KANK1: variants seen among roughly 807,000 people sequenced by gnomAD.
KANK1 encodes the protein KN motif and ankyrin repeat domain-containing protein 1.
In KANK1, 109 loss-of-function variants were observed where a neutral mutation model predicts 106.2. The observed-to-expected ratio is 1.03, with a 90% CI of 0.88 to 1.20. The LOEUF is 1.20. Among genes scored for constraint, KANK1 ranks in the 50% most tolerant of loss-of-function variants. The pLI, the probability that KANK1 is intolerant of heterozygous loss-of-function variation, is 0.00. For synonymous variants in KANK1, 873 were observed against 652.2 expected, an observed-to-expected ratio of 1.34 and a Z score of -5.16; for missense variants, 2,399 against 1,710.7, an observed-to-expected ratio of 1.40 and a Z score of -7.10.
intron 1 of KANK1, among the ~76,000 whole-genome samples, chr9:533,688 C>T (rs1587582286): frequency 6.6e-6 from 1 of 152,146 alleles, no homozygotes; most frequent in East Asian, 1.9e-4. Context: ...TTTGGAGGCC[C>T]AGTCTGTCAA....
rs962038764 is a variant in KANK1 at position 662,953 on chromosome 9, C to T, written c.-83-13937C>T. Among the ~76,000 whole-genome samples the T allele has an allele frequency of 3.3e-5, 5 of 152,200 alleles. No homozygotes were observed. In the East Asian group the frequency reaches 5.8e-4, roughly 18 times the overall value. ...CTAGGATTACAGGCGTGAGCCACCA[C>T]GCCAGGCCTAAACCCTTATTTAACT... On this transcript the variant is annotated intron_variant, in intron 1 of 11. Transcript: ENST00000382297.
chr9:516,592 AT>A (rs1315675533), intron 1 of KANK1, among the ~76,000 whole-genome samples: 1 of 151,544 alleles, frequency 6.6e-6, no homozygotes, highest in Non-Finnish European at 1.5e-5. Flanking sequence ...GGATCTGAAA[AT>A]TGTTCATAAT....
chr9:585,549 G>A (rs1032392671), intron 1 of KANK1, among the ~76,000 whole-genome samples: 3 of 152,120 alleles, frequency 2.0e-5, no homozygotes, highest in Non-Finnish European at 2.9e-5. Flanking sequence ...CAAAAAATAT[G>A]TAGTTTGTAA....
intron 1 of KANK1, among the ~76,000 whole-genome samples, chr9:518,840 A>G (rs1458899338): frequency 3.3e-5 from 5 of 151,646 alleles, no homozygotes; most frequent in Non-Finnish European, 7.4e-5. Context: ...TCTTGTAGGA[A>G]ACCACAACTC....
chr9:590,723 C>G (rs1193029455), intron 1 of KANK1, among the ~76,000 whole-genome samples: 1 of 151,366 alleles, frequency 6.6e-6, no homozygotes, highest in East Asian at 1.9e-4. Flanking sequence ...AAATTATAAA[C>G]CTCTCTGCTT....
At chr9:524,289 C>T (rs1563714559) in intron 1 of KANK1, among the ~76,000 whole-genome samples, 2 of 151,418 alleles carry the variant, frequency 1.3e-5, no homozygotes, top group South Asian at 2.1e-4. Context: ...TTAAGTCGTT[C>T]TGTAGTTTTT....
chr9:695,201 TG>T (rs1178310314), intron 2 of KANK1, among the ~76,000 whole-genome samples: 1 of 152,166 alleles, frequency 6.6e-6, no homozygotes, highest in Non-Finnish European at 1.5e-5. Context: ...GGAGGTGCTC[TG>T]GGTGGCTTAA....
intron 1 of KANK1, among the ~76,000 whole-genome samples, chr9:570,733 T>A (rs368654514): frequency 1.3e-5 from 2 of 152,230 alleles, no homozygotes; most frequent in African/African-American, 4.8e-5. Context: ...TTAGGAAATA[T>A]GCATGCTAAT....
chr9:521,401 C>T lies in KANK1; in HGVS notation c.-84+16647C>T, dbSNP rs928209365. Among the ~76,000 whole-genome samples the T allele has an allele frequency of 3.0e-4, 46 of 151,330 alleles. 2 individuals are homozygous for T. The highest frequency in any genetic ancestry group is 1.0e-3 in the African/African-American group (42 of 40,782). ...GTTGACTTTTAAAAAGTAGGTGCACCAAGCCTCAGCTGGTGTCAGACTGCT... is the reference window on the plus strand; with the variant it reads ...GTTGACTTTTAAAAAGTAGGTGCACTAAGCCTCAGCTGGTGTCAGACTGCT... On this transcript the variant is annotated intron_variant, in intron 1 of 11. Transcript: ENST00000382297.
intron 1 of KANK1, among the ~76,000 whole-genome samples, chr9:532,154 T>C (rs1025785401): frequency 6.6e-6 from 1 of 152,088 alleles, no homozygotes; most frequent in Admixed American, 6.6e-5. Flanking sequence ...GGGCCCCACT[T>C]AGGCATAACG....
upstream of KANK1, among the ~76,000 whole-genome samples, chr9:503,339 G>C (rs1325334277): frequency 1.3e-5 from 2 of 152,150 alleles, no homozygotes; most frequent in African/African-American, 4.8e-5. Flanking sequence ...GAAAGAGTTT[G>C]CTTACTGCCA....
At chr9:740,735 C>T (rs1024189479) in intron 8 of KANK1, 57 bp from the exon 9 acceptor site, 32 of 1,565,504 alleles carry the variant, frequency 2.0e-5, no homozygotes, top group South Asian at 8.1e-5. Flanking sequence ...GCTTCGTAAG[C>T]GGCTGCTATT....
At chr9:537,008 C>T (rs1426847717) in intron 1 of KANK1, among the ~76,000 whole-genome samples, 1 of 152,178 alleles carries the variant, frequency 6.6e-6, no homozygotes, top group Non-Finnish European at 1.5e-5. Context: ...TGGAAGCTAC[C>T]TCCTTCTCTC....
intron 1 of KANK1, among the ~76,000 whole-genome samples, chr9:661,455 C>T (rs1465968286): frequency 1.3e-5 from 2 of 152,150 alleles, no homozygotes; most frequent in Non-Finnish European, 2.9e-5. Context: ...GACATGAACT[C>T]ATCCTTTTTA....
intron 1 of KANK1, among the ~76,000 whole-genome samples, chr9:662,381 CA>C (rs1396115745): frequency 2.6e-5 from 4 of 152,084 alleles, no homozygotes; most frequent in African/African-American, 9.7e-5. Context: ...CAGTCCTAAG[CA>C]AAAAGAACAA....
chr9:572,420 T>A (rs545886359), intron 1 of KANK1, among the ~76,000 whole-genome samples: 1 of 151,998 alleles, frequency 6.6e-6, no homozygotes, highest in South Asian at 2.1e-4. Flanking sequence ...GGCGTGGTAG[T>A]GGGTTCCTGT....
Position 524,940 on chromosome 9 carries a change from T to C in KANK1, c.-84+20186T>C, listed in dbSNP as rs959103359. 5.3e-5 allele frequency among the ~76,000 whole-genome samples: 8 copies of C among 151,524 alleles called. 1 individual carries two copies. The highest frequency in any genetic ancestry group is 2.0e-4 in the African/African-American group (8 of 40,912). On this transcript the variant is annotated intron_variant, in intron 1 of 11. Transcript: ENST00000382297. ...CATGCTTGTAAACTACTATTGTCTA[T>C]TGCTTTATTGCTTTGGTTAGTCAAT...
intron 3 of KANK1, among the ~76,000 whole-genome samples, chr9:715,421 C>T (rs549751919): frequency 6.6e-6 from 1 of 152,288 alleles, no homozygotes; most frequent in Non-Finnish European, 1.5e-5. Flanking sequence ...AGCCTTCCTC[C>T]CTCCTCCCCA....
chr9:739,867 A>T (rs1834914281), intron 8 of KANK1, among the ~76,000 whole-genome samples: 1 of 151,946 alleles, frequency 6.6e-6, no homozygotes, highest in African/African-American at 2.4e-5. Context: ...GCAAAGTCCG[A>T]GGTGCTAAGG....
Sources: gnomAD v4.1 joint callset for allele counts (sites outside exome capture counted in the v4.1 genomes callset) on GRCh38, gnomAD v4.1.1 for gene constraint, MANE v1.5 for transcripts, NCBI Gene and HGNC (gene_info 2026-07-23, HGNC 2026-07-21) for gene names.